The following SPEF2 variants were observed in gnomAD, a reference collection of about 807,000 sequenced individuals.
SPEF2 encodes the protein sperm flagella and cilia-associated protein 2.
A neutral mutation model predicts 224.6 loss-of-function variants in SPEF2; 187 were observed. That is an observed-to-expected ratio of 0.83 (90% CI 0.74 to 0.94). SPEF2 has a LOEUF of 0.94. SPEF2 is among the 40% of genes least tolerant of loss of function. SPEF2 has a pLI of 0.00. For missense variants in SPEF2, 2,170 were observed against 2,135.6 expected, an observed-to-expected ratio of 1.02 and a Z score of -0.32; for synonymous variants, 715 against 707.3, an observed-to-expected ratio of 1.01 and a Z score of -0.17.
rs749456972 is a variant in SPEF2 at position 35,753,723 on chromosome 5, C to A, written c.3430C>A (p.Leu1144Ile). Residue 1144 changes from leucine (L) to isoleucine (I), a missense_variant, in exon 24 of 37, where the codon CTT (leucine) becomes ATT (isoleucine). Transcript: ENST00000356031. ...IINESWLQDT[L>I]GMTMNHFFSL... ...TAATGAGAGCTGGTTACAGGACACT[C>A]TTGGAATGACAATGAACCATTTCTT... 4 of 1,614,122 alleles carry A rather than the reference C, an allele frequency of 2.5e-6. No individual in the cohort carries two copies. In the Admixed American group the frequency reaches 6.7e-5, roughly 27 times the overall value.
At chr5:35,756,095 T>C (rs1318345393) in intron 24 of SPEF2, among the ~76,000 whole-genome samples, 2 of 152,172 alleles carry the variant, frequency 1.3e-5, no homozygotes, top group African/African-American at 4.8e-5. Flanking sequence ...AAATAATTCA[T>C]AAGTTTTAAA....
chr5:35,682,262 A>T (rs1043488660), intron 10 of SPEF2, among the ~76,000 whole-genome samples: 1 of 152,136 alleles, frequency 6.6e-6, no homozygotes, highest in Non-Finnish European at 1.5e-5. Flanking sequence ...TCTTGAAGTC[A>T]GTTTGTTAGA....
intron 30 of SPEF2, among the ~76,000 whole-genome samples, chr5:35,783,535 T>C (rs1329713936): frequency 6.6e-6 from 1 of 152,220 alleles, no homozygotes; most frequent in African/African-American, 2.4e-5. Context: ...AGTAATGTCA[T>C]ATTAGTATAT....
intron 20 of SPEF2, among the ~76,000 whole-genome samples, chr5:35,724,603 G>A (rs570262930): frequency 3.3e-5 from 5 of 152,148 alleles, no homozygotes; most frequent in South Asian, 4.2e-4. Flanking sequence ...CAGCCAGCCC[G>A]CCTAGACTGA....
In SPEF2 at chr5:35,635,046, G is replaced by A. The variant is rs111792445; in HGVS notation, c.162-6385G>A. On this transcript the variant is annotated intron_variant, in intron 2 of 36. Coordinates refer to ENST00000356031, the MANE Select transcript of SPEF2 (RefSeq NM_024867.4). ...ATACTAGCGAAGTGATTTTCCCTCA[G>A]GTGGAATTTCTCTGATGTTTTTCTC... 6.6e-3 allele frequency among the ~76,000 whole-genome samples: 1,009 copies of A among 152,006 alleles called. 9 individuals are homozygous for A. Among genetic ancestry groups the A allele is most frequent in the African/African-American group, 0.023 (958 of 41,502 alleles).
Position 35,793,326 on chromosome 5 carries a change from T to C in SPEF2, c.4722T>C (p.Phe1574=), listed in dbSNP as rs567270518. The C allele has an allele frequency of 1.4e-5, 23 of 1,613,718 alleles. No homozygotes were observed. The highest frequency in any genetic ancestry group is 8.0e-5 in the African/African-American group (6 of 75,006). The change falls in exon 32 of 37, where the codon TTT becomes TTC. Residue 1574 remains phenylalanine, a synonymous_variant. Coordinates refer to ENST00000356031, the MANE Select transcript of SPEF2 (RefSeq NM_024867.4). The stretch of plus-strand genomic sequence containing the variant: ...AGGAGCAGTTGGGCACCATCACTTT[T>C]GAGCAGTATATGCAGGTTGTTACCA... ...VDKEQLGTIT[F]EQYMQAGLWF... is the part of the protein sequence containing the mutation.
At position 35,617,868 on chromosome 5, in the gene SPEF2, G is replaced by T. The variant is rs1048238154; in HGVS notation, c.-130G>T. On this transcript the variant is annotated 5_prime_UTR_variant, in exon 1 of 37. Coordinates refer to ENST00000356031, the MANE Select transcript of SPEF2 (RefSeq NM_024867.4). ...CGTCCCCTCTTCTCTAAGGCCTTTC[G>T]CCTAGTTCCAGCCTGGATACGCTTC... 5 of 870,420 alleles carry T rather than the reference G, an allele frequency of 5.7e-6. No homozygotes were observed. In the East Asian group the frequency reaches 1.3e-4, roughly 23 times the overall value. The allele number at this position is 870,420 out of a possible 1,614,324, so 53.9% of individuals were successfully genotyped here.
rs557837469 is a variant in SPEF2, at chr5:35,779,169, A to T, written c.4270A>T (p.Ile1424Phe). 1 of 1,613,818 alleles carries T rather than the reference A, an allele frequency of 6.2e-7. No homozygotes were observed. The highest frequency in any genetic ancestry group is 1.1e-5 in the South Asian group (1 of 91,038). Reference sequence around the variant, plus strand: ...CTATCACATTGAAACATCTACAAAAATTCAGAATGAACTTTATTTAAGCCA... The same window carrying T: ...CTATCACATTGAAACATCTACAAAATTTCAGAATGAACTTTATTTAAGCCA... ...ARYHIETSTK[I>F]QNELYLSQED... is the part of the protein sequence containing the mutation. Residue 1424 changes from isoleucine (I) to phenylalanine (F), a missense_variant, in exon 30 of 37, where the codon ATT becomes TTT. Coordinates refer to ENST00000356031, the MANE Select transcript of SPEF2 (RefSeq NM_024867.4).
intron 19 of SPEF2, chr5:35,709,757 A>G (rs1342227640): frequency 1.1e-5 from 11 of 985,236 alleles, no homozygotes; most frequent in Non-Finnish European, 1.3e-5. Context: ...CAGACAATGA[A>G]TATAATGACA....
intron 8 of SPEF2, among the ~76,000 whole-genome samples, chr5:35,665,810 T>G (rs1238712013): frequency 1.3e-5 from 2 of 152,184 alleles, no homozygotes; most frequent in Admixed American, 1.3e-4. Flanking sequence ...TAACAAACTC[T>G]GATGTAATTC....
chr5:35,665,152 C>T (rs760762540), intron 8 of SPEF2, among the ~76,000 whole-genome samples: 19 of 152,038 alleles, frequency 1.2e-4, no homozygotes, highest in Non-Finnish European at 2.6e-4. Flanking sequence ...TTACATTTAA[C>T]ACATCAGGAA....
intron 30 of SPEF2, among the ~76,000 whole-genome samples, chr5:35,786,800 AT>A: frequency 6.6e-6 from 1 of 152,326 alleles, no homozygotes; most frequent in African/African-American, 2.4e-5. Context: ...AAGGAGATTA[AT>A]TTTCTTAAAC....
At chr5:35,766,149 A>G (rs1306954871) in intron 26 of SPEF2, among the ~76,000 whole-genome samples, 1 of 152,056 alleles carries the variant, frequency 6.6e-6, no homozygotes, top group African/African-American at 2.4e-5. Context: ...CTAGCTTAAT[A>G]AATCAAGTCT....
At chr5:35,715,209 C>T (rs6893143) in intron 20 of SPEF2, among the ~76,000 whole-genome samples, 1 of 151,994 alleles carries the variant, frequency 6.6e-6, no homozygotes, top group Non-Finnish European at 1.5e-5. Context: ...GAGCCATCAC[C>T]CCTGGCCAAT....
Position 35,792,437 on chromosome 5 carries a change from C to A in SPEF2, c.4545C>A (p.Thr1515=), listed in dbSNP as rs1285493431. Residue 1515 remains threonine, a synonymous_variant, in exon 31 of 37, where the codon ACC becomes ACA. Coordinates refer to ENST00000356031, the MANE Select transcript of SPEF2 (RefSeq NM_024867.4). ...TTCCTAGTAATTGGATGCACCTTACCCAACCTGAAGTAAGCTTCTATGTTG... is the reference window on the plus strand; with the variant it reads ...TTCCTAGTAATTGGATGCACCTTACACAACCTGAAGTAAGCTTCTATGTTG... ...NNFPSNWMHL[T]QPELQELTSL... The A allele has an allele frequency of 6.2e-7, 1 of 1,613,398 alleles. No homozygotes were observed. Among genetic ancestry groups the A allele is most frequent in the Admixed American group, 1.7e-5 (1 of 60,006 alleles).
At chr5:35,735,343 G>A (rs1746399249) in intron 21 of SPEF2, among the ~76,000 whole-genome samples, 1 of 152,174 alleles carries the variant, frequency 6.6e-6, no homozygotes, top group African/African-American at 2.4e-5. Context: ...AATGTTACCA[G>A]TCTTCAAATA....
chr5:35,709,632 T>G, intron 19 of SPEF2: 3 of 968,722 alleles, frequency 3.1e-6, no homozygotes, highest in Non-Finnish European at 3.6e-6. Flanking sequence ...TCCTGCCATC[T>G]CAGTAAACAT....
chr5:35,775,098 T>A (rs1753425797), intron 28 of SPEF2, among the ~76,000 whole-genome samples: 1 of 152,072 alleles, frequency 6.6e-6, no homozygotes, highest in Non-Finnish European at 1.5e-5. Context: ...TGTACAAACA[T>A]AAACAAAAAA....
chr5:35,714,573 T>C (rs1044859848), intron 20 of SPEF2, among the ~76,000 whole-genome samples: 1 of 151,974 alleles, frequency 6.6e-6, no homozygotes, highest in Non-Finnish European at 1.5e-5. Flanking sequence ...TGGTATTTAC[T>C]TTGTATTTTT....
Sources: allele counts gnomAD v4.1 joint callset (sites outside exome capture counted in the v4.1 genomes callset), GRCh38; gene constraint gnomAD v4.1.1; transcripts MANE v1.5; gene names NCBI Gene and HGNC (gene_info 2026-07-23, HGNC 2026-07-21).